Variants in PRSS23 observed in about 807,000 individuals in gnomAD.
PRSS23 encodes serine protease 23, also known as protease, serine 23.
PRSS23 carries 25 observed loss-of-function variants against 34.7 expected under a neutral mutation model. That is an observed-to-expected ratio of 0.72 (90% CI 0.53 to 1.01). PRSS23 has a LOEUF of 1.01. Among genes scored for constraint, PRSS23 ranks in the 50% least tolerant of loss-of-function variants. The probability of loss-of-function intolerance (pLI) is 0.00; values close to 1 mark genes in which losing one functional copy is unlikely to be tolerated. For missense variants in PRSS23, 445 were observed against 475.6 expected, an observed-to-expected ratio of 0.94 and a Z score of 0.60; for synonymous variants, 176 against 186.6, an observed-to-expected ratio of 0.94 and a Z score of 0.46.
At chr11:86,815,203 G>A (rs780816361), downstream of PRSS23, among the ~76,000 whole-genome samples, 1 of 152,200 alleles carries the variant, frequency 6.6e-6, no homozygotes, top group Non-Finnish European at 1.5e-5. Context: ...TCTCAGGATG[G>A]CCTTCCCTGG....
At chr11:86,848,664 C>T (rs953564831) in intron 2 of PRSS23, among the ~76,000 whole-genome samples, 5 of 152,016 alleles carry the variant, frequency 3.3e-5, no homozygotes, top group Admixed American at 6.6e-5. Flanking sequence ...AAGAAGCGGC[C>T]GATATTAGGA....
chr11:86,862,143 G>T (rs998063625), intron 2 of PRSS23, among the ~76,000 whole-genome samples: 2 of 151,832 alleles, frequency 1.3e-5, no homozygotes, highest in Admixed American at 1.3e-4. Flanking sequence ...GTTGGGGAGA[G>T]GATGTTATTC....
chr11:86,856,837 GAT>G (rs1335530934), intron 2 of PRSS23, among the ~76,000 whole-genome samples: 1 of 152,130 alleles, frequency 6.6e-6, no homozygotes, highest in Non-Finnish European at 1.5e-5. Flanking sequence ...AGGCCGCCCA[GAT>G]ATAGAGGATT....
chr11:86,919,151 G>A (rs908329340), intron 2 of PRSS23, among the ~76,000 whole-genome samples: 1 of 152,138 alleles, frequency 6.6e-6, no homozygotes, highest in East Asian at 1.9e-4. Flanking sequence ...CCCAAGCAGC[G>A]GGGCCCAGAA....
At chr11:86,911,186 A>G (rs1310868981) in intron 2 of PRSS23, 1 of 152,092 alleles carries the variant, frequency 6.6e-6, no homozygotes, top group Non-Finnish European at 1.5e-5. Flanking sequence ...TTAATTAGGG[A>G]ATGATTGAAT....
chr11:86,858,806 A>G (rs1029710404), intron 2 of PRSS23, among the ~76,000 whole-genome samples: 8 of 150,322 alleles, frequency 5.3e-5, no homozygotes, highest in Non-Finnish European at 8.9e-5. Context: ...CACTCCTCCT[A>G]TAATATTGTT....
At chr11:86,917,897 G>A (rs1282220673) in intron 2 of PRSS23, among the ~76,000 whole-genome samples, 1 of 152,202 alleles carries the variant, frequency 6.6e-6, no homozygotes, top group Non-Finnish European at 1.5e-5. Flanking sequence ...TAGATGCGAA[G>A]ACCTAATTCC....
chr11:86,890,185 C>T (rs1389919800), intron 2 of PRSS23, among the ~76,000 whole-genome samples: 2 of 151,966 alleles, frequency 1.3e-5, no homozygotes, highest in Non-Finnish European at 2.9e-5. Flanking sequence ...CATGAGAATC[C>T]TTTGAACCTG....
intron 2 of PRSS23, among the ~76,000 whole-genome samples, chr11:86,914,556 T>C (rs1949000170): frequency 1.3e-5 from 2 of 152,240 alleles, no homozygotes; most frequent in African/African-American, 4.8e-5. Context: ...TTTCAAAAAA[T>C]GTAATTAATC....
At chr11:86,929,775 C>T (rs969484773) in intron 2 of PRSS23, among the ~76,000 whole-genome samples, 2 of 152,022 alleles carry the variant, frequency 1.3e-5, no homozygotes, top group South Asian at 2.1e-4. Context: ...TTTATGATCA[C>T]GAAAGATTAA....
intron 2 of PRSS23, among the ~76,000 whole-genome samples, chr11:86,908,090 G>A (rs2134990691): frequency 6.6e-6 from 1 of 152,298 alleles, no homozygotes; most frequent in South Asian, 2.1e-4. Context: ...CCCATTGTAT[G>A]TATATGACAC....
chr11:86,888,693 C>G (rs1318179146), intron 2 of PRSS23, among the ~76,000 whole-genome samples: 1 of 152,144 alleles, frequency 6.6e-6, no homozygotes. Context: ...AAAGGAGAGC[C>G]CCATCTGTAA....
intron 2 of PRSS23, among the ~76,000 whole-genome samples, chr11:86,891,357 G>T (rs1227941287): frequency 1.3e-5 from 2 of 152,188 alleles, no homozygotes; most frequent in African/African-American, 4.8e-5. Flanking sequence ...CTGACTTAAA[G>T]AAATCATTTG....
chr11:86,796,498 G>A (rs538168219), upstream of PRSS23, among the ~76,000 whole-genome samples: 29 of 151,360 alleles, frequency 1.9e-4, no homozygotes, highest in Non-Finnish European at 3.8e-4. Flanking sequence ...AAAATTAGCC[G>A]GGCGTGGTAG....
intron 1 of PRSS23, among the ~76,000 whole-genome samples, chr11:86,807,020 A>G (rs988961641): frequency 6.6e-6 from 1 of 152,188 alleles, no homozygotes; most frequent in South Asian, 2.1e-4. Context: ...CAAAAAACAA[A>G]ACAAAACAAA....
At chr11:86,838,073 CTT>C (rs34376720) in intron 2 of PRSS23, among the ~76,000 whole-genome samples, 20 of 144,496 alleles carry the variant, frequency 1.4e-4, no homozygotes, top group African/African-American at 4.0e-4. Context: ...ACGGTACACT[CTT>C]TTTTTTTTTT....
At chr11:86,919,340 C>T (rs1191128310) in intron 2 of PRSS23, among the ~76,000 whole-genome samples, 2 of 152,240 alleles carry the variant, frequency 1.3e-5, no homozygotes, top group African/African-American at 4.8e-5. Context: ...GGTATTCAAG[C>T]CTGCCACAGA....
At chr11:86,821,512 T>C (rs191120014) in intron 1 of PRSS23, 1,813 of 1,610,908 alleles carry the variant, frequency 1.1e-3, no homozygotes, top group Non-Finnish European at 1.4e-3. Flanking sequence ...GAAAAATCCA[T>C]TGTTCAGTTG....
chr11:86,949,746 G>A (rs922152123), intron 2 of PRSS23: 2 of 152,670 alleles, frequency 1.3e-5, no homozygotes, highest in African/African-American at 2.4e-5. Flanking sequence ...CATTTCATAT[G>A]GTCTACACTT....
Sources: gnomAD v4.1 joint callset for allele counts (sites outside exome capture counted in the v4.1 genomes callset) on GRCh38, gnomAD v4.1.1 for gene constraint, MANE v1.5 for transcripts, NCBI Gene and HGNC (gene_info 2026-07-23, HGNC 2026-07-21) for gene names.